NEBL: variants seen among roughly 807,000 people sequenced by gnomAD.
NEBL encodes the protein LIM and SH3 protein 2.
Under a neutral mutation model 140.2 loss-of-function variants are expected in NEBL, and 122 were observed. That is an observed-to-expected ratio of 0.87 (90% CI 0.75 to 1.01). The LOEUF (loss-of-function observed/expected upper bound fraction) is 1.01, where lower values mean the gene tolerates loss of function less well. Among genes scored for constraint, NEBL ranks in the 50% least tolerant of loss-of-function variants. The pLI is 0.00. For missense variants in NEBL, 1,365 were observed against 1,231.3 expected (o/e 1.11, Z -1.62); for synonymous variants, 436 against 398.9 (o/e 1.09, Z -1.11).
intron 2 of NEBL, among the ~76,000 whole-genome samples, chr10:21,025,231 C>A (rs1838977814): frequency 6.6e-6 from 1 of 151,914 alleles, no homozygotes; most frequent in Non-Finnish European, 1.5e-5. Context: ...GGAAATATGA[C>A]ATGTAACGCA....
intron 3 of NEBL, among the ~76,000 whole-genome samples, chr10:21,015,803 G>A (rs1838532781): frequency 6.6e-6 from 1 of 152,212 alleles, no homozygotes; most frequent in Non-Finnish European, 1.5e-5. Flanking sequence ...ATAAGCCACA[G>A]CACCCGGCTA....
At chr10:21,274,366 G>A (rs973249126) in intron 1 of NEBL, among the ~76,000 whole-genome samples, 6 of 152,146 alleles carry the variant, frequency 3.9e-5, no homozygotes, top group African/African-American at 1.2e-4. Flanking sequence ...TCACATAGTC[G>A]ATTAACACAT....
intron 3 of NEBL, among the ~76,000 whole-genome samples, chr10:20,995,107 T>C (rs1837614550): frequency 6.6e-6 from 1 of 152,172 alleles, no homozygotes; most frequent in African/African-American, 2.4e-5. Flanking sequence ...GGGACCCCCC[T>C]CACCTTTGAA....
intron 4 of NEBL, among the ~76,000 whole-genome samples, chr10:20,916,309 A>C (rs1215123367): frequency 1.3e-5 from 2 of 152,270 alleles, no homozygotes; most frequent in African/African-American, 4.8e-5. Flanking sequence ...ATCGCTTAAA[A>C]ATTAAATAAT....
intron 2 of NEBL, among the ~76,000 whole-genome samples, chr10:21,146,038 G>A (rs1403501368): frequency 1.3e-5 from 2 of 152,126 alleles, no homozygotes; most frequent in African/African-American, 4.8e-5. Context: ...AAGGCAAAGA[G>A]GAGCATTTGT....
intron 3 of NEBL, among the ~76,000 whole-genome samples, chr10:21,193,772 G>A (rs185219299): frequency 3.6e-4 from 55 of 152,296 alleles, no homozygotes; most frequent in Non-Finnish European, 5.3e-4. Flanking sequence ...AAGGAAGCCC[G>A]TAATGGACTG....
intron 4 of NEBL, among the ~76,000 whole-genome samples, chr10:20,886,702 C>A (rs1277527834): frequency 6.6e-6 from 1 of 152,204 alleles, no homozygotes. Flanking sequence ...CCTTGGCCAA[C>A]TGACTTAACC....
At chr10:20,955,104 C>CTATT (rs1412421185) in intron 4 of NEBL, among the ~76,000 whole-genome samples, 1 of 152,204 alleles carries the variant, frequency 6.6e-6, no homozygotes, top group Non-Finnish European at 1.5e-5. Flanking sequence ...AGTCAAGAGA[C>CTATT]TATTCCCACA....
chr10:20,972,967 A>T (rs1431847562), intron 3 of NEBL, among the ~76,000 whole-genome samples: 1 of 152,172 alleles, frequency 6.6e-6, no homozygotes, highest in Non-Finnish European at 1.5e-5. Context: ...GAAATAGAGC[A>T]CTAATTCACG....
intron 2 of NEBL, among the ~76,000 whole-genome samples, chr10:21,119,541 A>G (rs1838431984): frequency 6.7e-6 from 1 of 150,300 alleles, no homozygotes; most frequent in African/African-American, 2.4e-5. Flanking sequence ...TATAACATAT[A>G]TAACATTTAT....
At chr10:21,224,701 A>G (rs955899052) in intron 3 of NEBL, among the ~76,000 whole-genome samples, 4 of 152,118 alleles carry the variant, frequency 2.6e-5, no homozygotes, top group African/African-American at 7.2e-5. Context: ...TACAGTTTTC[A>G]TTGCAGAGAT....
At chr10:20,821,809 C>T (rs919315679) in intron 19 of NEBL, among the ~76,000 whole-genome samples, 3 of 152,162 alleles carry the variant, frequency 2.0e-5, no homozygotes, top group Admixed American at 6.5e-5. Flanking sequence ...CTCCAGCATA[C>T]GCTCCTGCCA....
chr10:20,835,620 C>G lies in NEBL; in HGVS notation c.1342G>C (p.Glu448Gln). ...KRASEMASEK[E>Q]YKKDLESIIK... The stretch of plus-strand genomic sequence containing the variant: ...ATTGACTCCAGGTCTTTCTTGTATT[C>G]TTTCTGCAAAAGACAACATTTTACA... Residue 448 changes from glutamate to glutamine, a missense_variant, in exon 14 of 28, where the codon GAA becomes CAA. Glu to Gln is a conservative substitution (Grantham distance 29). Transcript: ENST00000377122. The G allele has an allele frequency of 6.2e-7, 1 of 1,600,104 alleles. No individual in the cohort carries two copies. Among genetic ancestry groups the G allele is most frequent in the Non-Finnish European group, 8.5e-7 (1 of 1,169,992 alleles).
intron 2 of NEBL, among the ~76,000 whole-genome samples, chr10:21,141,005 C>T (rs1839604719): frequency 6.7e-6 from 1 of 149,678 alleles, no homozygotes; most frequent in Non-Finnish European, 1.5e-5. Context: ...ATAACGGAAA[C>T]CCTGAATCTA....
chr10:20,892,313 A>G (rs1207621988), intron 2 of NEBL, among the ~76,000 whole-genome samples: 1 of 152,214 alleles, frequency 6.6e-6, no homozygotes, highest in Admixed American at 6.5e-5. Flanking sequence ...ACCCTGTGAC[A>G]TTCTGTCTTC....
chr10:21,160,341 A>G (rs1840506736), intron 2 of NEBL, among the ~76,000 whole-genome samples: 1 of 152,214 alleles, frequency 6.6e-6, no homozygotes, highest in African/African-American at 2.4e-5. Flanking sequence ...GAGGCGCACA[A>G]ATAAGCCAGC....
At chr10:20,876,490 A>G (rs1044500582) in intron 5 of NEBL, among the ~76,000 whole-genome samples, 1 of 152,110 alleles carries the variant, frequency 6.6e-6, no homozygotes, top group African/African-American at 2.4e-5. Flanking sequence ...CATTTTACTG[A>G]TTTATCTTTA....
chr10:21,164,869 G>A (rs1419905272), intron 2 of NEBL, among the ~76,000 whole-genome samples: 3 of 152,132 alleles, frequency 2.0e-5, no homozygotes, highest in Admixed American at 6.5e-5. Flanking sequence ...ATCCTGTCAC[G>A]TCAGATACTG....
intron 4 of NEBL, among the ~76,000 whole-genome samples, chr10:20,919,346 G>A (rs1833466408): frequency 6.6e-6 from 1 of 152,194 alleles, no homozygotes. Flanking sequence ...TCCCTTCTAT[G>A]CACATTGGAA....
Sources: allele counts gnomAD v4.1 joint callset (sites outside exome capture counted in the v4.1 genomes callset), GRCh38; gene constraint gnomAD v4.1.1; transcripts MANE v1.5; gene names NCBI Gene and HGNC (gene_info 2026-07-23, HGNC 2026-07-21).